Variants in NHLRC2 observed in about 807,000 individuals in gnomAD.
NHLRC2 encodes the protein NHL repeat containing 2, also known as NHL repeat-containing protein 2.
NHLRC2 carries 33 observed loss-of-function variants against 68.1 expected under a neutral mutation model. That is an observed-to-expected ratio of 0.48 (90% confidence interval 0.37 to 0.65). NHLRC2 has a LOEUF of 0.65. NHLRC2 is among the 30% of genes least tolerant of loss of function. The probability of loss-of-function intolerance (pLI) is 0.00; values close to 1 mark genes in which losing one functional copy is unlikely to be tolerated. For synonymous variants in NHLRC2, 311 were observed against 309.6 expected, an observed-to-expected ratio of 1.00 and a Z score of -0.05; for missense variants, 761 against 853.8, an observed-to-expected ratio of 0.89 and a Z score of 1.35.
Position 113,904,913 on chromosome 10 carries a change from A to G in NHLRC2, c.1801A>G (p.Ile601Val), listed in dbSNP as rs1323943034. The change falls in exon 10 of 11, where the codon ATT becomes GTT. Residue 601 changes from isoleucine (I) to valine (V), a missense_variant. Physicochemically the swap from Ile to Val is conservative, Grantham distance 29 (BLOSUM62 3). Coordinates refer to ENST00000369301, the MANE Select transcript of NHLRC2 (RefSeq NM_198514.4). ...LPKLPKSAPS[I>V]RLSPVTACAG... ...CAAACTACCTAAATCTGCTCCAAGC[A>G]TTAGGCTTTCCCCCGTGACTGCGTG... is the stretch of plus-strand genomic sequence containing the variant. 2 of 1,609,118 alleles carry G rather than the reference A, an allele frequency of 1.2e-6. No homozygotes were observed. Among genetic ancestry groups the G allele is most frequent in the Non-Finnish European group, 1.7e-6 (2 of 1,178,306 alleles).
At chr10:113,888,169 T>A (rs1207212964) in intron 5 of NHLRC2, among the ~76,000 whole-genome samples, 1 of 151,770 alleles carries the variant, frequency 6.6e-6, no homozygotes, top group Non-Finnish European at 1.5e-5. Flanking sequence ...TAAGGGAAGG[T>A]ATGGGGAAAG....
At chr10:113,885,395 G>C (rs944193123) in intron 5 of NHLRC2, among the ~76,000 whole-genome samples, 1 of 151,856 alleles carries the variant, frequency 6.6e-6, no homozygotes, top group African/African-American at 2.4e-5. Flanking sequence ...TAGTATAGTA[G>C]GAGCAGTGCA....
intron 2 of NHLRC2, among the ~76,000 whole-genome samples, chr10:113,862,365 C>CT (rs1845824407): frequency 6.6e-6 from 1 of 150,856 alleles, no homozygotes; most frequent in Non-Finnish European, 1.5e-5. Flanking sequence ...AGCGTAATAA[C>CT]TTTAAGATGT....
intron 5 of NHLRC2, among the ~76,000 whole-genome samples, chr10:113,888,791 C>T (rs748306904): frequency 1.3e-4 from 20 of 149,770 alleles, no homozygotes; most frequent in Non-Finnish European, 1.9e-4. Flanking sequence ...ACCTGAAAGA[C>T]GTTTAGCATA....
In NHLRC2 at chr10:113,903,617, T is replaced by G; in HGVS notation, c.1585T>G (p.Ser529Ala). 1 of 1,610,400 alleles carries G rather than the reference T, an allele frequency of 6.2e-7. No homozygotes were observed. The highest frequency in any genetic ancestry group is 8.5e-7 in the Non-Finnish European group (1 of 1,176,800). Residue 529 changes from serine (S) to alanine (A), a missense_variant, in exon 9 of 11, where the codon TCA becomes GCA. Ser to Ala is a moderately conservative substitution (Grantham distance 99, BLOSUM62 1). Transcript: ENST00000369301. The part of the protein sequence containing the change: ...NNVTSSSFTE[S>A]TFNEPGGLCI... ...TGTTACCAGTTCCAGTTTTACAGAG[T>G]CAACTTTTAATGAACCAGGAGGCTT...
rs939746085 is a variant in NHLRC2, at chr10:113,916,910, AT to A, written c.*8379del. On this transcript the variant is annotated 3_prime_UTR_variant, in exon 11 of 11. Transcript: ENST00000369301. ...TTCTAAAAGAATGTACTTGGTGTGC[AT>A]TTTTAAGTGTTTCATGTAGACAGAT... 2 of 152,290 alleles carry A rather than the reference AT, an allele frequency of 1.3e-5. No homozygotes were observed. The highest frequency in any genetic ancestry group is 4.8e-5 in the African/African-American group (2 of 41,576). The allele number at this position is 152,290 out of a possible 1,614,324, so 9.4% of individuals were successfully genotyped here. A position where few individuals can be genotyped will look rare whatever the true frequency, so the allele number is the denominator to read the frequency against.
chr10:113,895,950 G>T (rs1156999162), intron 5 of NHLRC2, among the ~76,000 whole-genome samples: 2 of 152,044 alleles, frequency 1.3e-5, no homozygotes, highest in Non-Finnish European at 1.5e-5. Context: ...AAAAATATTT[G>T]AACCTCCACA....
intron 1 of NHLRC2, among the ~76,000 whole-genome samples, chr10:113,855,701 G>T (rs901497130): frequency 6.6e-6 from 1 of 152,120 alleles, no homozygotes; most frequent in African/African-American, 2.4e-5. Context: ...GTTTCACTAT[G>T]TTGGCCAGGC....
At chr10:113,865,246 G>A (rs1315370895) in intron 2 of NHLRC2, among the ~76,000 whole-genome samples, 2 of 151,562 alleles carry the variant, frequency 1.3e-5, no homozygotes, top group African/African-American at 2.4e-5. Context: ...ACCGCGCCCG[G>A]CCACAAATGA....
intron 4 of NHLRC2, among the ~76,000 whole-genome samples, chr10:113,882,644 C>T (rs188496900): frequency 6.6e-6 from 1 of 151,726 alleles, no homozygotes; most frequent in East Asian, 1.9e-4. Flanking sequence ...TTTCTGCTTG[C>T]CTTTATACTT....
intron 5 of NHLRC2, among the ~76,000 whole-genome samples, chr10:113,897,790 T>TA (rs144245843): frequency 0.011 from 1,705 of 152,330 alleles, 29 homozygotes; most frequent in African/African-American, 0.037. Context: ...ATCAGATGTT[T>TA]AAAACATTGT....
chr10:113,875,759 A>T (rs1376268397), intron 2 of NHLRC2, among the ~76,000 whole-genome samples: 1 of 152,104 alleles, frequency 6.6e-6, no homozygotes, highest in Non-Finnish European at 1.5e-5. Context: ...CTGGGAAATT[A>T]TACCTCCTGA....
chr10:113,898,483 A>G (rs148956221), intron 6 of NHLRC2, among the ~76,000 whole-genome samples: 1 of 152,320 alleles, frequency 6.6e-6, no homozygotes, highest in Non-Finnish European at 1.5e-5. Context: ...AGAGAGAAAG[A>G]GGTAGTAAGT....
intron 2 of NHLRC2, among the ~76,000 whole-genome samples, chr10:113,874,980 C>T (rs1393402908): frequency 1.3e-5 from 2 of 151,478 alleles, no homozygotes; most frequent in African/African-American, 4.8e-5. Context: ...GCATAGTTAT[C>T]TAGTTGCTTG....
rs1362196112 is a variant in NHLRC2, at chr10:113,909,261, A to G, written c.*725A>G. On this transcript the variant is annotated 3_prime_UTR_variant, in exon 11 of 11. Transcript: ENST00000369301. ...CTCCTTTAACTGTTTTTGAGTGACT[A>G]CATTACCAGATAATGAATGAGTCCC... is the stretch of plus-strand genomic sequence containing the variant. 1 of 152,198 alleles carries G rather than the reference A, an allele frequency of 6.6e-6. No homozygotes were observed. The highest frequency in any genetic ancestry group is 1.9e-4 in the East Asian group (1 of 5,196). The allele number at this position is 152,198 out of a possible 1,614,324, so 9.4% of individuals were successfully genotyped here. A position where few individuals can be genotyped will look rare whatever the true frequency, so the allele number is the denominator to read the frequency against.
intron 5 of NHLRC2, among the ~76,000 whole-genome samples, chr10:113,886,671 G>A (rs1363493629): frequency 6.6e-6 from 1 of 152,088 alleles, no homozygotes; most frequent in African/African-American, 2.4e-5. Flanking sequence ...TGGGAAAACT[G>A]GATATCCACA....
In NHLRC2 at chr10:113,877,281, T is replaced by C. The variant is rs4376860; in HGVS notation, c.787+305T>C. Among the ~76,000 whole-genome samples, 1,417 of 152,034 alleles carry C rather than the reference T, an allele frequency of 9.3e-3. 27 individuals are homozygous for C. Among genetic ancestry groups the C allele is most frequent in the African/African-American group, 0.032 (1,335 of 41,500 alleles). ...TTTTTTTAAACTGCTGTACTTACTGTTTCTTATGAAAACATACGTTTTGGA... is the reference window on the plus strand; with the variant it reads ...TTTTTTTAAACTGCTGTACTTACTGCTTCTTATGAAAACATACGTTTTGGA... On this transcript the variant is annotated intron_variant, in intron 3 of 10. Coordinates refer to ENST00000369301, the MANE Select transcript of NHLRC2 (RefSeq NM_198514.4).
At chr10:113,856,578 A>G (rs1369114696) in intron 1 of NHLRC2, among the ~76,000 whole-genome samples, 1 of 152,238 alleles carries the variant, frequency 6.6e-6, no homozygotes, top group East Asian at 1.9e-4. Flanking sequence ...CACTGTTATA[A>G]ACAAGCAGGC....
chr10:113,874,757 CTCTT>C (rs1845962984), intron 2 of NHLRC2, among the ~76,000 whole-genome samples: 1 of 151,648 alleles, frequency 6.6e-6, no homozygotes, highest in African/African-American at 2.4e-5. Context: ...TCTTCTTTCT[CTCTT>C]TATGTTCTTT....
Sources: gnomAD v4.1 joint callset for allele counts (sites outside exome capture counted in the v4.1 genomes callset) on GRCh38, gnomAD v4.1.1 for gene constraint, MANE v1.5 for transcripts, NCBI Gene and HGNC (gene_info 2026-07-23, HGNC 2026-07-21) for gene names.